The following ZBTB20 variants were observed in gnomAD, a reference collection of about 807,000 sequenced individuals.
ZBTB20 encodes the protein zinc finger and BTB domain-containing protein 20.
ZBTB20 carries 9 observed loss-of-function variants against 56.9 expected under a neutral mutation model. The observed-to-expected ratio is 0.16, with a 90% CI of 0.10 to 0.28. The LOEUF is 0.28. ZBTB20 is among the 10% of genes least tolerant of loss of function. The pLI, the probability that ZBTB20 is intolerant of heterozygous loss-of-function variation, is 1.00. For synonymous variants in ZBTB20, 417 were observed against 420.7 expected, an observed-to-expected ratio of 0.99 and a Z score of 0.11; for missense variants, 655 against 1,003.0, an observed-to-expected ratio of 0.65 and a Z score of 4.69.
At chr3:114,524,404 A>C (rs1197786047) in intron 6 of ZBTB20, among the ~76,000 whole-genome samples, 1 of 152,152 alleles carries the variant, frequency 6.6e-6, no homozygotes, top group Non-Finnish European at 1.5e-5. Flanking sequence ...GAGGTATTAG[A>C]GGGAGCGTGT....
intron 4 of ZBTB20, among the ~76,000 whole-genome samples, chr3:114,844,533 A>AAAAAAAAAAAC (rs1560313129): frequency 1.4e-5 from 2 of 139,604 alleles, no homozygotes; most frequent in African/African-American, 5.4e-5. Flanking sequence ...AAAAAAAAAA[A>AAAAAAAAAAAC]AAAAAAAAAA....
chr3:114,340,207 T>C (rs2079654109), intron 11 of ZBTB20, among the ~76,000 whole-genome samples: 1 of 151,928 alleles, frequency 6.6e-6, no homozygotes, highest in Admixed American at 6.6e-5. Context: ...CACACTACAC[T>C]CCACTCTGAC....
rs753072148 is a variant in ZBTB20, at chr3:114,941,982, T to G, written c.-456+32384A>C. 8.1e-4 allele frequency among the ~76,000 whole-genome samples: 119 copies of G among 146,174 alleles called. 5 individuals carry two copies. The highest frequency in any genetic ancestry group is 2.5e-4 in the Non-Finnish European group (17 of 67,788). ...AACTTTGAAAACTGTTTATACCCCA[T>G]GTACAAAAGTACTGTCTATGCCTAG... On this transcript the variant is annotated intron_variant, in intron 3 of 11. Coordinates refer to ENST00000675478, the MANE Select transcript of ZBTB20 (RefSeq NM_001348800.3).
At position 114,967,728 on chromosome 3, in the gene ZBTB20, G is replaced by C. The variant is rs904272018; in HGVS notation, c.-456+6638C>G. Among the ~76,000 whole-genome samples the C allele has an allele frequency of 2.6e-5, 4 of 152,084 alleles. No individual in the cohort carries two copies. In the South Asian group the frequency reaches 8.3e-4, roughly 32 times the overall value. ...TCTCAACACTTTGGGAGGCCGAAGC[G>C]GGTGGATCACCCGAGGTCAGGAGTT... On this transcript the variant is annotated intron_variant, in intron 3 of 11. Transcript: ENST00000675478.
intron 7 of ZBTB20, among the ~76,000 whole-genome samples, chr3:114,475,172 T>A (rs2040600330): frequency 6.6e-6 from 1 of 152,152 alleles, no homozygotes. Flanking sequence ...ACCCTTTGAT[T>A]CTTCCATGCT....
intron 4 of ZBTB20, among the ~76,000 whole-genome samples, chr3:114,895,359 A>G (rs1385974105): frequency 2.0e-5 from 3 of 152,180 alleles, no homozygotes; most frequent in Admixed American, 6.5e-5. Flanking sequence ...TTTGCAAGAG[A>G]CTGCTTTTAA....
At chr3:115,059,501 C>T (rs1468018280) in intron 2 of ZBTB20, among the ~76,000 whole-genome samples, 2 of 152,186 alleles carry the variant, frequency 1.3e-5, no homozygotes, top group African/African-American at 2.4e-5. Flanking sequence ...GCGAAAGCTC[C>T]AGGAGTGGTT....
chr3:115,118,744 T>C (rs1172284115), intron 1 of ZBTB20, among the ~76,000 whole-genome samples: 2 of 123,838 alleles, frequency 1.6e-5, no homozygotes, highest in African/African-American at 6.4e-5. Context: ...TGAGACGGAG[T>C]CTCGCTCTGT....
chr3:114,631,851 T>A (rs1448570190), intron 6 of ZBTB20, among the ~76,000 whole-genome samples: 1 of 152,222 alleles, frequency 6.6e-6, no homozygotes, highest in Non-Finnish European at 1.5e-5. Flanking sequence ...TAGTTTTACA[T>A]ATGGGGAGAG....
At chr3:114,957,055 T>C (rs749749301) in intron 3 of ZBTB20, among the ~76,000 whole-genome samples, 78 of 152,204 alleles carry the variant, frequency 5.1e-4, no homozygotes, top group Non-Finnish European at 8.4e-4. Context: ...GCTTTATGCC[T>C]GGACTGCTGG....
chr3:114,450,039 A>G (rs1240428472), intron 7 of ZBTB20, among the ~76,000 whole-genome samples: 2 of 152,228 alleles, frequency 1.3e-5, no homozygotes, highest in African/African-American at 4.8e-5. Context: ...TGTAATGTGC[A>G]AGCCTTAATG....
intron 10 of ZBTB20, chr3:114,359,234 C>T (rs2081555376): frequency 6.6e-6 from 1 of 152,158 alleles, no homozygotes; most frequent in Non-Finnish European, 1.5e-5. Context: ...GAAACCAATT[C>T]CAACCATAAG....
intron 7 of ZBTB20, among the ~76,000 whole-genome samples, chr3:114,411,441 A>G (rs1260467553): frequency 1.3e-5 from 2 of 152,334 alleles, no homozygotes; most frequent in Non-Finnish European, 2.9e-5. Flanking sequence ...GTCCTTGTTG[A>G]AAGTTTTAAA....
intron 1 of ZBTB20, among the ~76,000 whole-genome samples, chr3:115,099,409 G>A (rs1055821381): frequency 3.9e-5 from 6 of 152,056 alleles, no homozygotes; most frequent in African/African-American, 9.7e-5. Context: ...AAGAAAGTTC[G>A]CATTCTTACT....
chr3:114,767,253 G>T (rs563078764), intron 5 of ZBTB20, among the ~76,000 whole-genome samples: 1 of 152,142 alleles, frequency 6.6e-6, no homozygotes, highest in Non-Finnish European at 1.5e-5. Flanking sequence ...GTTTTGCATA[G>T]ATACTACCTT....
intron 6 of ZBTB20, among the ~76,000 whole-genome samples, chr3:114,610,538 T>C (rs112630614): frequency 1.3e-5 from 2 of 152,220 alleles, no homozygotes; most frequent in Non-Finnish European, 2.9e-5. Flanking sequence ...TCATCCCAAC[T>C]GCAGGGCAAA....
chr3:114,787,137 G>A (rs2070553895), intron 5 of ZBTB20, among the ~76,000 whole-genome samples: 1 of 151,472 alleles, frequency 6.6e-6, no homozygotes, highest in African/African-American at 2.4e-5. Context: ...ACCATGCCTA[G>A]TCAATTAAAA....
At chr3:114,634,757 G>A (rs1397259584) in intron 6 of ZBTB20, among the ~76,000 whole-genome samples, 1 of 152,208 alleles carries the variant, frequency 6.6e-6, no homozygotes, top group Admixed American at 6.5e-5. Flanking sequence ...TGAGAGGACT[G>A]CTTCAGCTCA....
chr3:114,351,616 G>A lies in ZBTB20; in HGVS notation c.462C>T (p.Leu154=), dbSNP rs746665451. Reference sequence around the variant, plus strand: ...GCACGCCGCTGTACATGAAGTCAATGAGCTTTTGCACTGACTGCACTGACA... The same window carrying A: ...GCACGCCGCTGTACATGAAGTCAATAAGCTTTTGCACTGACTGCACTGACA... ...SVVSVQSVQK[L]IDFMYSGVLR... The change falls in exon 11 of 12, where the codon CTC becomes CTT. Residue 154 remains leucine (L), a synonymous_variant. Transcript: ENST00000675478. 1.7e-5 allele frequency: 28 copies of A among 1,614,048 alleles called. No individual in the cohort carries two copies. The South Asian group carries it at 3.1e-4, about 18-fold the overall frequency.
Sources: gnomAD v4.1 joint callset for allele counts (sites outside exome capture counted in the v4.1 genomes callset) on GRCh38, gnomAD v4.1.1 for gene constraint, MANE v1.5 for transcripts, NCBI Gene and HGNC (gene_info 2026-07-23, HGNC 2026-07-21) for gene names.